Variants in DGKH observed in about 807,000 individuals in gnomAD.
DGKH encodes DAG kinase eta.
A neutral mutation model predicts 159.3 loss-of-function variants in DGKH; 90 were observed. The ratio of observed to expected loss-of-function variants is 0.57; its 90% CI spans 0.48 to 0.67. DGKH has a LOEUF of 0.67. Among genes scored for constraint, DGKH ranks in the 30% least tolerant of loss-of-function variants. The probability of loss-of-function intolerance (pLI) is 0.00; values close to 1 mark genes in which losing one functional copy is unlikely to be tolerated. For synonymous variants in DGKH, 536 were observed against 553.8 expected, an observed-to-expected ratio of 0.97 and a Z score of 0.45; for missense variants, 1,181 against 1,506.1, an observed-to-expected ratio of 0.78 and a Z score of 3.57.
chr13:42,177,342 A>G (rs891725340), intron 12 of DGKH, among the ~76,000 whole-genome samples: 3 of 152,192 alleles, frequency 2.0e-5, no homozygotes, highest in African/African-American at 4.8e-5. Context: ...AGATTGATCT[A>G]TACTGTGGCT....
intron 30 of DGKH, among the ~76,000 whole-genome samples, chr13:42,254,287 T>C (rs1958641868): frequency 6.6e-6 from 1 of 152,234 alleles, no homozygotes; most frequent in African/African-American, 2.4e-5. Context: ...GACATGTTCA[T>C]ACAAATCATG....
At chr13:42,097,098 C>G (rs1258932368) in intron 1 of DGKH, among the ~76,000 whole-genome samples, 2 of 152,200 alleles carry the variant, frequency 1.3e-5, no homozygotes, top group Non-Finnish European at 1.5e-5. Context: ...AGGATCTTCT[C>G]TTTTCCTTAG....
chr13:42,111,012 A>G (rs1390284615), intron 1 of DGKH, among the ~76,000 whole-genome samples: 12 of 152,196 alleles, frequency 7.9e-5, no homozygotes, highest in Admixed American at 6.5e-4. Flanking sequence ...ATGTTTACCT[A>G]CGTAACAAAC....
intron 1 of DGKH, among the ~76,000 whole-genome samples, chr13:42,067,808 T>G (rs1368984498): frequency 6.6e-6 from 1 of 152,014 alleles, no homozygotes; most frequent in Non-Finnish European, 1.5e-5. Context: ...ATGAAACAAA[T>G]TCTAAGAGAC....
chr13:42,221,305 C>A lies in DGKH; in HGVS notation c.3484C>A (p.Leu1162Met), dbSNP rs765015056. ...AGAGGAAGTTGCTGCTTGGCTGGAT[C>A]TGCTCAATTTGGGAGAGTACAAAGA... Reference protein sequence around the residue: ...GTEEVAAWLDLLNLGEYKDIF... With the variant: ...GTEEVAAWLDMLNLGEYKDIF... The change falls in exon 29 of 30, where the codon CTG becomes ATG. Residue 1162 changes from leucine to methionine, a missense_variant. By Grantham distance (15) the Leu-to-Met change is conservative. This residue lies in a region of DGKH where 84 missense variants were observed against 77.9 expected (regional missense o/e 1.08). Coordinates refer to ENST00000337343, the MANE Select transcript of DGKH (RefSeq NM_178009.5). 5.6e-6 allele frequency: 9 copies of A among 1,613,612 alleles called. No individual in the cohort carries two copies. The African/African-American group carries it at 8.0e-5, about 14-fold the overall frequency.
intron 3 of DGKH, chr13:42,138,045 A>G (rs561793839): frequency 1.4e-4 from 133 of 981,908 alleles, no homozygotes; most frequent in Non-Finnish European, 1.5e-4. Context: ...TCTTCCCATT[A>G]TTAGAAATCT....
chr13:42,195,609 A>G (rs1198658562), intron 17 of DGKH, among the ~76,000 whole-genome samples: 1 of 152,218 alleles, frequency 6.6e-6, no homozygotes, highest in Non-Finnish European at 1.5e-5. Context: ...TTCCCAAAGT[A>G]AGTCTGAACT....
At chr13:42,111,366 G>A (rs1427734079) in intron 1 of DGKH, among the ~76,000 whole-genome samples, 2 of 152,154 alleles carry the variant, frequency 1.3e-5, no homozygotes, top group Non-Finnish European at 2.9e-5. Flanking sequence ...GATCTCTTGA[G>A]GTCAGGAGTT....
chr13:42,148,060 C>G (rs1464243958), intron 3 of DGKH, among the ~76,000 whole-genome samples: 2 of 152,140 alleles, frequency 1.3e-5, no homozygotes, highest in Non-Finnish European at 2.9e-5. Context: ...TTCTGCCTGT[C>G]CTTTCAGGAT....
At chr13:42,243,271 G>A (rs917737505), downstream of DGKH, among the ~76,000 whole-genome samples, 5 of 152,048 alleles carry the variant, frequency 3.3e-5, no homozygotes, top group African/African-American at 7.2e-5. Flanking sequence ...TACAGTATGC[G>A]ATTTTTTTTC....
Position 42,129,639 on chromosome 13 carries a change from T to A in DGKH, c.384+7T>A. ...TGCTAACAACAGCTTCACGGTATGG[T>A]TATATTCTGCTAACTCCCTTCTCAA... is the stretch of plus-strand genomic sequence containing the variant. On this transcript the variant is annotated splice_region_variant and intron_variant, in intron 3 of 29. Coordinates refer to ENST00000337343, the MANE Select transcript of DGKH (RefSeq NM_178009.5). 1.2e-6 allele frequency: 2 copies of A among 1,609,022 alleles called. No homozygotes were observed. The highest frequency in any genetic ancestry group is 1.7e-6 in the Non-Finnish European group (2 of 1,176,978).
intron 20 of DGKH, among the ~76,000 whole-genome samples, chr13:42,200,791 A>G (rs1322909211): frequency 6.6e-6 from 1 of 152,168 alleles, no homozygotes; most frequent in Non-Finnish European, 1.5e-5. Flanking sequence ...ATACAACTGT[A>G]TGATCAGCTG....
At chr13:42,092,236 C>G (rs1194513845) in intron 1 of DGKH, among the ~76,000 whole-genome samples, 2 of 152,178 alleles carry the variant, frequency 1.3e-5, no homozygotes, top group African/African-American at 4.8e-5. Flanking sequence ...AATCCCACTG[C>G]TGGCTATATA....
chr13:42,168,341 A>G (rs562023052), intron 9 of DGKH, 99 bp from the exon 10 acceptor site: 2 of 1,006,882 alleles, frequency 2.0e-6, no homozygotes, highest in Admixed American at 2.7e-5. Flanking sequence ...AGGAGTTCTT[A>G]TATTTAATCT....
chr13:42,138,198 C>T, intron 3 of DGKH: 1 of 776,878 alleles, frequency 1.3e-6, no homozygotes, highest in Non-Finnish European at 1.6e-6. Flanking sequence ...TCAGGGCTCT[C>T]AGCTCTTGAT....
Position 42,237,287 on chromosome 13 carries a change from AT to A in DGKH, c.*8101del, listed in dbSNP as rs937558266. ...ATGTTACAGTGTTAGCGGTTGATGTATTGTGTACTGTTTAAGAACTCATAGG... is the reference window on the plus strand; with the variant it reads ...ATGTTACAGTGTTAGCGGTTGATGTATGTGTACTGTTTAAGAACTCATAGG... On this transcript the variant is annotated 3_prime_UTR_variant, in exon 30 of 30. Coordinates refer to ENST00000337343, the MANE Select transcript of DGKH (RefSeq NM_178009.5). 15 of 152,212 alleles carry A rather than the reference AT, an allele frequency of 9.9e-5. No homozygotes were observed. The highest frequency in any genetic ancestry group is 1.9e-4 in the Non-Finnish European group (13 of 68,044). The allele number at this position is 152,212 out of a possible 1,614,324, so 9.4% of individuals were successfully genotyped here. A position where few individuals can be genotyped will look rare whatever the true frequency, so the allele number is the denominator to read the frequency against.
intron 1 of DGKH, among the ~76,000 whole-genome samples, chr13:42,092,795 G>A (rs1484551977): frequency 6.6e-6 from 1 of 152,142 alleles, no homozygotes; most frequent in East Asian, 1.9e-4. Flanking sequence ...GGTGATGGAT[G>A]TCCCAATTAA....
At chr13:42,086,726 T>G (rs749530096) in intron 1 of DGKH, among the ~76,000 whole-genome samples, 4 of 152,120 alleles carry the variant, frequency 2.6e-5, no homozygotes, top group Non-Finnish European at 4.4e-5. Flanking sequence ...CAGTGATCAC[T>G]TAGAGAAAGA....
intron 3 of DGKH, among the ~76,000 whole-genome samples, chr13:42,131,767 C>T (rs1464495933): frequency 6.6e-6 from 1 of 152,130 alleles, no homozygotes; most frequent in African/African-American, 2.4e-5. Flanking sequence ...GCATATTGGA[C>T]AGAAAGAGAA....
Sources: gnomAD v4.1 joint callset for allele counts (sites outside exome capture counted in the v4.1 genomes callset) on GRCh38, gnomAD v4.1.1 for gene constraint, gnomAD v4.1.1 regional missense constraint, MANE v1.5 for transcripts, NCBI Gene and HGNC (gene_info 2026-07-23, HGNC 2026-07-21) for gene names.